AKAP6: variants seen among roughly 807,000 people sequenced by gnomAD.
AKAP6 encodes the protein A-kinase anchoring protein 6.
AKAP6 carries 58 observed loss-of-function variants against 188.5 expected under a neutral mutation model. The ratio of observed to expected loss-of-function variants is 0.31; its 90% CI spans 0.25 to 0.38. The LOEUF is 0.38. Ranked by LOEUF, AKAP6 falls within the 10% of genes least tolerant of loss-of-function variation. The pLI, the probability that AKAP6 is intolerant of heterozygous loss-of-function variation, is 1.00. For missense variants in AKAP6, 2,710 were observed against 2,740.0 expected (o/e 0.99, Z 0.24); for synonymous variants, 989 against 998.6 (o/e 0.99, Z 0.18).
chr14:32,671,640 T>C (rs988480618), intron 7 of AKAP6, among the ~76,000 whole-genome samples: 5 of 151,884 alleles, frequency 3.3e-5, no homozygotes, highest in Admixed American at 2.6e-4. Flanking sequence ...GGAAGTCTGG[T>C]ACCAAAATGC....
At chr14:32,677,535 T>C (rs1443484955) in intron 7 of AKAP6, among the ~76,000 whole-genome samples, 1 of 152,214 alleles carries the variant, frequency 6.6e-6, no homozygotes, top group Non-Finnish European at 1.5e-5. Flanking sequence ...AGCATGTCCC[T>C]GAGAAGATAT....
chr14:32,719,129 G>A (rs928165410), intron 9 of AKAP6, among the ~76,000 whole-genome samples: 4 of 151,866 alleles, frequency 2.6e-5, no homozygotes, highest in Non-Finnish European at 5.9e-5. Flanking sequence ...GATTATAGAT[G>A]TGAAAACCCT....
intron 2 of AKAP6, among the ~76,000 whole-genome samples, chr14:32,464,547 C>T (rs760408043): frequency 1.1e-4 from 17 of 152,138 alleles, no homozygotes; most frequent in South Asian, 2.1e-4. Flanking sequence ...ATTCAACATC[C>T]CTTCATGCTA....
intron 7 of AKAP6, among the ~76,000 whole-genome samples, chr14:32,664,202 A>G (rs2139587295): frequency 6.6e-6 from 1 of 152,274 alleles, no homozygotes; most frequent in South Asian, 2.1e-4. Context: ...TGAATATAAT[A>G]GCAAAGAGGT....
rs1432666773 is a variant in AKAP6 at position 32,665,951 on chromosome 14, A to C, written c.2731-12360A>C. ...CATGTAGTGGGGAGCCTTTGTGTGG[A>C]GGCTGTTACATATGACTTTGAGAAT... On this transcript the variant is annotated intron_variant, in intron 7 of 13. Coordinates refer to ENST00000280979, the MANE Select transcript of AKAP6 (RefSeq NM_004274.5). 2.0e-5 allele frequency among the ~76,000 whole-genome samples: 3 copies of C among 152,242 alleles called. No homozygotes were observed. In the East Asian group the frequency reaches 5.8e-4, roughly 29 times the overall value.
chr14:32,774,528 A>C (rs1335646672), intron 12 of AKAP6, among the ~76,000 whole-genome samples: 1 of 152,208 alleles, frequency 6.6e-6, no homozygotes, highest in Non-Finnish European at 1.5e-5. Context: ...AGGATTTTCC[A>C]AATTGAGTAC....
intron 2 of AKAP6, among the ~76,000 whole-genome samples, chr14:32,490,182 A>G (rs1879935294): frequency 6.6e-6 from 1 of 150,740 alleles, no homozygotes; most frequent in Admixed American, 6.6e-5. Context: ...GAATGTCATC[A>G]GTTAAGGCTA....
Position 32,835,201 on chromosome 14 carries a change from CA to C in AKAP6, c.*5397del, listed in dbSNP as rs2034862818. On this transcript the variant is annotated 3_prime_UTR_variant, in exon 14 of 14. Coordinates refer to ENST00000280979, the MANE Select transcript of AKAP6 (RefSeq NM_004274.5). ...GTCTATGATATTCTAAATTCCGACA[CA>C]TTTTCTTAGGATAGATTTCCATTTG... 6.6e-6 allele frequency: 1 copy of C among 152,150 alleles called. No homozygotes were observed. The highest frequency in any genetic ancestry group is 1.5e-5 in the Non-Finnish European group (1 of 68,022). 9.4% of individuals were successfully genotyped at this position (152,150 alleles called of 1,614,324 possible).
chr14:32,486,612 CTGTT>C (rs1318687045), intron 2 of AKAP6, among the ~76,000 whole-genome samples: 6 of 152,104 alleles, frequency 3.9e-5, no homozygotes, highest in Non-Finnish European at 2.9e-5. Context: ...ATTTGACTCT[CTGTT>C]TGTCTGTTGT....
chr14:32,585,344 C>A (rs1004155687), intron 5 of AKAP6, among the ~76,000 whole-genome samples: 1 of 152,188 alleles, frequency 6.6e-6, no homozygotes, highest in African/African-American at 2.4e-5. Flanking sequence ...CTGGCTTAAA[C>A]TTAGGAAGTA....
chr14:32,728,253 C>T (rs374780172), intron 9 of AKAP6, among the ~76,000 whole-genome samples: 21 of 92,818 alleles, frequency 2.3e-4, no homozygotes, highest in African/African-American at 8.8e-4. Context: ...TATTTTCACA[C>T]ATTATTTTGC....
At chr14:32,767,890 C>A (rs2032767591) in intron 11 of AKAP6, among the ~76,000 whole-genome samples, 1 of 152,140 alleles carries the variant, frequency 6.6e-6, no homozygotes, top group African/African-American at 2.4e-5. Flanking sequence ...CCTCCCTTAC[C>A]TTATTTAGAA....
chr14:32,800,161 T>TACACATATATATACATATATATAC, intron 12 of AKAP6, among the ~76,000 whole-genome samples: 1 of 116,626 alleles, frequency 8.6e-6, no homozygotes, highest in African/African-American at 3.3e-5. Flanking sequence ...TACATATATA[T>TACACATATATATACATATATATAC]ACACATATAT....
chr14:32,596,190 CT>C (rs1885696233), intron 5 of AKAP6, among the ~76,000 whole-genome samples: 1 of 152,156 alleles, frequency 6.6e-6, no homozygotes, highest in South Asian at 2.1e-4. Flanking sequence ...ATCTTTCCCA[CT>C]TTTTCTTGTA....
In AKAP6 at chr14:32,551,128, C is replaced by T. The variant is rs112420915; in HGVS notation, c.2346+4129C>T. ...ACTACACTCCCTTTCCTAGAACATA[C>T]TTGGCATGCTTCTTGCCTTTAGGAT... On this transcript the variant is annotated intron_variant, in intron 4 of 13. Coordinates refer to ENST00000280979, the MANE Select transcript of AKAP6 (RefSeq NM_004274.5). Among the ~76,000 whole-genome samples the T allele has an allele frequency of 3.3e-3, 505 of 152,316 alleles. 1 individual carries two copies. The highest frequency in any genetic ancestry group is 0.027 in the Middle Eastern group (8 of 294).
intron 2 of AKAP6, among the ~76,000 whole-genome samples, chr14:32,522,525 A>G (rs961402782): frequency 6.6e-6 from 1 of 152,204 alleles, no homozygotes; most frequent in African/African-American, 2.4e-5. Flanking sequence ...AAAAGTGGGC[A>G]AAGGATATGA....
chr14:32,592,006 G>A (rs1206115148), intron 5 of AKAP6, among the ~76,000 whole-genome samples: 1 of 152,178 alleles, frequency 6.6e-6, no homozygotes. Flanking sequence ...AAGTAATTTT[G>A]TAAGTGAAGG....
chr14:32,334,606 GA>G (rs1206068046), intron 1 of AKAP6, among the ~76,000 whole-genome samples: 3 of 152,084 alleles, frequency 2.0e-5, no homozygotes, highest in Non-Finnish European at 4.4e-5. Context: ...ATATGTATAG[GA>G]AAAAACATAG....
chr14:32,773,269 G>A (rs916323340), intron 11 of AKAP6, among the ~76,000 whole-genome samples: 3 of 152,022 alleles, frequency 2.0e-5, no homozygotes, highest in Admixed American at 6.6e-5. Context: ...AAAGAATGTA[G>A]GAGTAAATTT....
Sources: allele counts gnomAD v4.1 joint callset (sites outside exome capture counted in the v4.1 genomes callset), GRCh38; gene constraint gnomAD v4.1.1; transcripts MANE v1.5; gene names NCBI Gene and HGNC (gene_info 2026-07-23, HGNC 2026-07-21).